KHDRBS2: variants seen among roughly 807,000 people sequenced by gnomAD.
KHDRBS2 encodes KH domain-containing, RNA-binding, signal transduction-associated protein 2.
A neutral mutation model predicts 44.3 loss-of-function variants in KHDRBS2; 26 were observed. The ratio of observed to expected loss-of-function variants is 0.59; its 90% CI spans 0.43 to 0.81. KHDRBS2 has a LOEUF of 0.81. Ranked by LOEUF, KHDRBS2 falls within the 40% of genes least tolerant of loss-of-function variation. The pLI, the probability that KHDRBS2 is intolerant of heterozygous loss-of-function variation, is 0.00. For missense variants in KHDRBS2, 476 were observed against 433.1 expected (o/e 1.10, Z -0.88); for synonymous variants, 194 against 151.1 (o/e 1.28, Z -2.08).
chr6:62,179,602 A>C (rs1821846662), intron 1 of KHDRBS2, among the ~76,000 whole-genome samples: 1 of 151,898 alleles, frequency 6.6e-6, no homozygotes, highest in Admixed American at 6.6e-5. Flanking sequence ...CGTAATGTGG[A>C]ACACAGTGAA....
chr6:62,227,954 G>A (rs1244680615), intron 1 of KHDRBS2, among the ~76,000 whole-genome samples: 1 of 152,118 alleles, frequency 6.6e-6, no homozygotes, highest in African/African-American at 2.4e-5. Flanking sequence ...TTTCATTGAT[G>A]TTCATCATGG....
At chr6:61,847,364 A>T (rs752513767) in intron 6 of KHDRBS2, among the ~76,000 whole-genome samples, 10 of 152,254 alleles carry the variant, frequency 6.6e-5, no homozygotes, top group Admixed American at 2.0e-4. Context: ...ATGACCTAGG[A>T]CTGTCTTTCT....
chr6:61,806,362 G>A (rs540374217), intron 6 of KHDRBS2, among the ~76,000 whole-genome samples: 5 of 152,104 alleles, frequency 3.3e-5, no homozygotes, highest in Non-Finnish European at 7.3e-5. Flanking sequence ...AAAGGGCTAC[G>A]TAGTGAGGTC....
intron 2 of KHDRBS2, among the ~76,000 whole-genome samples, chr6:62,141,587 G>A (rs1281677687): frequency 6.6e-6 from 1 of 152,070 alleles, no homozygotes; most frequent in Non-Finnish European, 1.5e-5. Context: ...TGTGCCTAAT[G>A]AATAAGATGC....
the KHDRBS2 span, among the ~76,000 whole-genome samples, chr6:61,669,038 C>T: frequency 6.6e-6 from 1 of 150,778 alleles, no homozygotes; most frequent in African/African-American, 2.4e-5. Flanking sequence ...ATCTCAACCT[C>T]CACAAAGCCT....
the KHDRBS2 span, among the ~76,000 whole-genome samples, chr6:61,650,727 G>A: frequency 6.6e-6 from 1 of 151,504 alleles, no homozygotes; most frequent in Non-Finnish European, 1.5e-5. Flanking sequence ...GCAAGGCTGG[G>A]GGTACTAAAA....
intron 3 of KHDRBS2, among the ~76,000 whole-genome samples, chr6:62,018,726 G>C (rs931061406): frequency 6.6e-6 from 1 of 152,084 alleles, no homozygotes. Flanking sequence ...GTAGACAAGA[G>C]AAAAATCCGT....
intron 3 of KHDRBS2, among the ~76,000 whole-genome samples, chr6:61,990,826 C>T (rs1775995176): frequency 6.6e-6 from 1 of 151,986 alleles, no homozygotes; most frequent in Non-Finnish European, 1.5e-5. Context: ...TCTCCTGCCT[C>T]AACCTCCTGG....
At chr6:61,628,962 T>G in the KHDRBS2 span, among the ~76,000 whole-genome samples, 1 of 152,218 alleles carries the variant, frequency 6.6e-6, no homozygotes, top group East Asian at 1.9e-4. Context: ...GTCTAATTAG[T>G]ACAGTCAAGT....
chr6:61,976,670 T>C (rs1436671134), intron 4 of KHDRBS2, among the ~76,000 whole-genome samples: 2 of 152,196 alleles, frequency 1.3e-5, no homozygotes, highest in Non-Finnish European at 2.9e-5. Context: ...GATAATTATC[T>C]TCATTTTAAA....
intron 1 of KHDRBS2, among the ~76,000 whole-genome samples, chr6:62,222,112 A>C (rs1830994229): frequency 1.3e-5 from 2 of 152,214 alleles, no homozygotes. Flanking sequence ...TGAATAATAA[A>C]AAAGTTAACA....
intron 3 of KHDRBS2, among the ~76,000 whole-genome samples, chr6:62,039,681 A>C (rs887467908): frequency 2.0e-5 from 3 of 152,094 alleles, no homozygotes; most frequent in Non-Finnish European, 4.4e-5. Context: ...TAGTCTCCCC[A>C]CAAAAATACC....
intron 1 of KHDRBS2, among the ~76,000 whole-genome samples, chr6:62,219,865 T>C (rs1393147624): frequency 1.4e-5 from 2 of 147,786 alleles, no homozygotes; most frequent in Non-Finnish European, 3.0e-5. Context: ...ATTATGTGCA[T>C]AGTTTTATAT....
At chr6:61,604,697 G>A in the KHDRBS2 span, among the ~76,000 whole-genome samples, 1 of 152,118 alleles carries the variant, frequency 6.6e-6, no homozygotes, top group Non-Finnish European at 1.5e-5. Context: ...TACACATCAA[G>A]CTTGGGGATT....
intron 5 of KHDRBS2, among the ~76,000 whole-genome samples, chr6:61,898,175 T>C (rs1281888557): frequency 6.6e-6 from 1 of 152,034 alleles, no homozygotes; most frequent in East Asian, 1.9e-4. Context: ...CTTCATAAAG[T>C]AATAATTTCA....
At chr6:61,957,362 T>G (rs1024239407) in intron 4 of KHDRBS2, among the ~76,000 whole-genome samples, 9 of 152,202 alleles carry the variant, frequency 5.9e-5, no homozygotes, top group African/African-American at 2.2e-4. Flanking sequence ...AACTCTTGAC[T>G]GCCGGTGAGC....
intron 7 of KHDRBS2, among the ~76,000 whole-genome samples, chr6:61,709,436 T>G (rs1770134544): frequency 6.6e-6 from 1 of 151,596 alleles, no homozygotes; most frequent in Non-Finnish European, 1.5e-5. Flanking sequence ...AATGGGTATT[T>G]TGCCTCATTT....
chr6:61,721,138 ATC>A (rs1214257239), intron 7 of KHDRBS2, among the ~76,000 whole-genome samples: 4 of 151,826 alleles, frequency 2.6e-5, no homozygotes, highest in Non-Finnish European at 2.9e-5. Context: ...ATTGATCTGT[ATC>A]TCTGTTTTGG....
chr6:62,001,068 C>T (rs543719030), intron 3 of KHDRBS2, among the ~76,000 whole-genome samples: 2 of 152,272 alleles, frequency 1.3e-5, no homozygotes, highest in South Asian at 4.1e-4. Context: ...AGCAGCCCTT[C>T]CTGGCCTCAT....
Sources: allele counts gnomAD v4.1 joint callset (sites outside exome capture counted in the v4.1 genomes callset), GRCh38; gene constraint gnomAD v4.1.1; transcripts MANE v1.5; gene names NCBI Gene and HGNC (gene_info 2026-07-23, HGNC 2026-07-21).